Variants in ELF1 observed in about 807,000 individuals in gnomAD.
ELF1 encodes ETS-related transcription factor Elf-1.
ELF1 carries 24 observed loss-of-function variants against 59.9 expected under a neutral mutation model. The ratio of observed to expected loss-of-function variants is 0.40; its 90% CI spans 0.29 to 0.56. The LOEUF is 0.56. ELF1 is among the 20% of genes least tolerant of loss of function. ELF1 has a pLI of 0.44. For synonymous variants in ELF1, 248 were observed against 266.2 expected, an observed-to-expected ratio of 0.93 and a Z score of 0.67; for missense variants, 627 against 742.2, an observed-to-expected ratio of 0.84 and a Z score of 1.80.
Position 40,933,383 on chromosome 13 carries a change from G to C in ELF1, c.*42C>G. ...AGTCAGTCTGCATATAATTGAAAAT[G>C]TTCAATTAACAAACAATTATTCATA... On this transcript the variant is annotated 3_prime_UTR_variant, in exon 9 of 9. Transcript: ENST00000239882. The C allele has an allele frequency of 6.4e-7, 1 of 1,565,588 alleles. No individual in the cohort carries two copies. The highest frequency in any genetic ancestry group is 8.6e-7 in the Non-Finnish European group (1 of 1,156,436).
chr13:41,019,463 G>T, upstream of ELF1: 1 of 923,874 alleles, frequency 1.1e-6, no homozygotes, highest in Non-Finnish European at 1.3e-6. Flanking sequence ...GGAAAGTGGG[G>T]ATGAAGAGGC....
chr13:40,993,189 CCTTT>C, intron 1 of ELF1: 1 of 1,519,412 alleles, frequency 6.6e-7, no homozygotes, highest in Non-Finnish European at 9.1e-7. Flanking sequence ...TGCATTTTCC[CCTTT>C]CTTCATTCCT....
chr13:40,942,188 T>C (rs1426523107), intron 7 of ELF1, among the ~76,000 whole-genome samples: 4 of 152,208 alleles, frequency 2.6e-5, no homozygotes, highest in Non-Finnish European at 5.9e-5. Context: ...ACTTTTGTCA[T>C]CTATTTTAAC....
chr13:41,009,912 T>C (rs546751495), intron 1 of ELF1, among the ~76,000 whole-genome samples: 22 of 152,244 alleles, frequency 1.4e-4, no homozygotes, highest in African/African-American at 5.3e-4. Flanking sequence ...AAGATCCCTT[T>C]ATATTCTTAA....
At position 40,935,081 on chromosome 13, in the gene ELF1, T is replaced by A. The variant is rs150918477; in HGVS notation, c.1257-1053A>T. Among the ~76,000 whole-genome samples the A allele has an allele frequency of 5.7e-3, 873 of 152,286 alleles. 11 individuals carry two copies. The highest frequency in any genetic ancestry group is 0.02 in the African/African-American group (841 of 41,562). On this transcript the variant is annotated intron_variant, in intron 8 of 8. Transcript: ENST00000239882. ...CATAAAGCTACAGTTTAACATAAAA[T>A]CCTTTAATGCAAAATCTAGTTTATG...
intron 8 of ELF1, among the ~76,000 whole-genome samples, chr13:40,940,342 T>C (rs1163804758): frequency 2.7e-5 from 4 of 150,054 alleles, no homozygotes; most frequent in Non-Finnish European, 5.9e-5. Context: ...CAATTTGTTG[T>C]TTAGCATCTC....
intron 1 of ELF1, among the ~76,000 whole-genome samples, chr13:41,030,829 TG>T (rs989297865): frequency 1.6e-5 from 2 of 123,026 alleles, no homozygotes; most frequent in African/African-American, 3.4e-5. Flanking sequence ...TTTTGGGGGG[TG>T]GGGGGTGCAG....
intron 1 of ELF1, among the ~76,000 whole-genome samples, chr13:41,029,926 C>T (rs1330269322): frequency 6.6e-6 from 1 of 152,146 alleles, no homozygotes; most frequent in African/African-American, 2.4e-5. Context: ...CATTAAGCTT[C>T]AGATGCTCAT....
chr13:41,018,657 T>C (rs927768246), intron 1 of ELF1, among the ~76,000 whole-genome samples: 1 of 152,142 alleles, frequency 6.6e-6, no homozygotes, highest in Admixed American at 6.6e-5. Context: ...TAAATTTCCA[T>C]TGGGTTTCCA....
rs540219894 is a variant in ELF1 at position 41,017,795 on chromosome 13, TA to T, written c.-229+1432del. Reference sequence around the variant, plus strand: ...TTATGGATCACCACCTTAAAAAAGTTAAAAAAAAAAATAGAAAAGTCTTCAT... The same window carrying T: ...TTATGGATCACCACCTTAAAAAAGTTAAAAAAAAAATAGAAAAGTCTTCAT... On this transcript the variant is annotated intron_variant, in intron 1 of 8. Transcript: ENST00000239882. Among the ~76,000 whole-genome samples the T allele has an allele frequency of 7.9e-4, 116 of 147,014 alleles. No homozygotes were observed. The East Asian group carries it at 9.6e-3, about 12-fold the overall frequency.
chr13:40,956,726 C>T (rs2138188875), intron 3 of ELF1, among the ~76,000 whole-genome samples: 1 of 149,624 alleles, frequency 6.7e-6, no homozygotes, highest in Non-Finnish European at 1.5e-5. Context: ...GAGTTTTGCT[C>T]TCATTGCCCA....
intron 1 of ELF1, among the ~76,000 whole-genome samples, chr13:41,015,986 A>G (rs1034060893): frequency 2.0e-5 from 3 of 152,110 alleles, no homozygotes; most frequent in African/African-American, 4.8e-5. Context: ...TGACGAAGAC[A>G]CTCTTCTTAA....
At chr13:40,957,723 C>T (rs535759405) in intron 3 of ELF1, among the ~76,000 whole-genome samples, 3 of 152,252 alleles carry the variant, frequency 2.0e-5, no homozygotes, top group Admixed American at 6.5e-5. Flanking sequence ...TACCCAGTCT[C>T]AGGTAGTTCT....
chr13:41,051,042 A>T (rs1056962158), intron 1 of ELF1, among the ~76,000 whole-genome samples: 3 of 152,196 alleles, frequency 2.0e-5, no homozygotes, highest in Non-Finnish European at 4.4e-5. Context: ...GCTTTCATAT[A>T]AACTTTATGT....
At chr13:41,058,127 T>C (rs1364415905) in intron 1 of ELF1, among the ~76,000 whole-genome samples, 1 of 152,210 alleles carries the variant, frequency 6.6e-6, no homozygotes, top group Non-Finnish European at 1.5e-5. Context: ...ACTGCTACCT[T>C]TGGGTTTTCC....
chr13:41,035,531 G>C (rs1001943149), intron 1 of ELF1, among the ~76,000 whole-genome samples: 15 of 151,770 alleles, frequency 9.9e-5, no homozygotes, highest in African/African-American at 3.6e-4. Context: ...TAAATTCTCT[G>C]AACAGCTGGG....
At chr13:41,040,792 G>A (rs538424207) in intron 1 of ELF1, among the ~76,000 whole-genome samples, 1 of 152,260 alleles carries the variant, frequency 6.6e-6, no homozygotes, top group East Asian at 1.9e-4. Context: ...TGAGGGGGCT[G>A]GGGATCCCTG....
At chr13:41,000,564 G>A (rs1349245056) in intron 1 of ELF1, among the ~76,000 whole-genome samples, 2 of 151,902 alleles carry the variant, frequency 1.3e-5, no homozygotes, top group Non-Finnish European at 2.9e-5. Flanking sequence ...TTATCGCTTT[G>A]TTGTACTCTT....
chr13:41,022,814 G>C (rs551541036), upstream of ELF1, among the ~76,000 whole-genome samples: 1 of 152,276 alleles, frequency 6.6e-6, no homozygotes, highest in South Asian at 2.1e-4. Context: ...GGGAGGTGGA[G>C]GTTGCAGTGA....
Sources: gnomAD v4.1 joint callset for allele counts (sites outside exome capture counted in the v4.1 genomes callset) on GRCh38, gnomAD v4.1.1 for gene constraint, MANE v1.5 for transcripts, NCBI Gene and HGNC (gene_info 2026-07-23, HGNC 2026-07-21) for gene names.